The following SLC36A1 variants were observed in gnomAD, a reference collection of about 807,000 sequenced individuals.
The protein encoded by SLC36A1 is solute carrier family 36 member 1.
SLC36A1 carries 30 observed loss-of-function variants against 47.5 expected under a neutral mutation model. The observed-to-expected ratio is 0.63, with a 90% CI of 0.47 to 0.86. The LOEUF (loss-of-function observed/expected upper bound fraction) is 0.86. Among genes scored for constraint, SLC36A1 ranks in the 40% least tolerant of loss-of-function variants. The pLI, the probability that SLC36A1 is intolerant of heterozygous loss-of-function variation, is 0.00. For missense variants in SLC36A1, 517 were observed against 606.0 expected, an observed-to-expected ratio of 0.85 and a Z score of 1.54; for synonymous variants, 255 against 249.7, an observed-to-expected ratio of 1.02 and a Z score of -0.20.
the SLC36A1 span, among the ~76,000 whole-genome samples, chr5:151,375,203 A>T: frequency 6.6e-6 from 1 of 152,178 alleles, no homozygotes; most frequent in Non-Finnish European, 1.5e-5. Flanking sequence ...TCTTATGTTT[A>T]AGTCTCTAAT....
chr5:151,512,370 A>AGG, the SLC36A1 span: 1 of 1,614,236 alleles, frequency 6.2e-7, no homozygotes, highest in Non-Finnish European at 8.5e-7. The surrounding 1 kb of genome is among the most constrained non-coding windows in gnomAD (Gnocchi z 4.1). Context: ...TCGAGGAAGA[A>AGG]TGCAACAGAA....
the SLC36A1 span, among the ~76,000 whole-genome samples, chr5:151,404,999 A>T: frequency 6.6e-6 from 1 of 152,002 alleles, no homozygotes; most frequent in Non-Finnish European, 1.5e-5. Context: ...CAAGTTGCAT[A>T]CTCTCTCTAC....
At chr5:151,461,647 G>T (rs762458153) in intron 2 of SLC36A1, among the ~76,000 whole-genome samples, 2 of 152,182 alleles carry the variant, frequency 1.3e-5, no homozygotes, top group Admixed American at 6.5e-5. Context: ...CACTTATAAT[G>T]TAGAAGCAAT....
At chr5:151,438,896 C>T (rs1016810385) in intron 1 of SLC36A1, among the ~76,000 whole-genome samples, 1 of 152,128 alleles carries the variant, frequency 6.6e-6, no homozygotes. Flanking sequence ...AAACATATTT[C>T]ATTTACCACA....
chr5:151,514,150 C>T, the SLC36A1 span, among the ~76,000 whole-genome samples: 7 of 152,124 alleles, frequency 4.6e-5, no homozygotes, highest in Admixed American at 2.0e-4. Context: ...TTGAATACTA[C>T]CTATACCTTT....
rs1756559773 is a variant in SLC36A1 at position 151,467,303 on chromosome 5, A to AC, written c.504+20_504+21insC. 1.6e-4 allele frequency: 213 copies of AC among 1,348,622 alleles called. No homozygotes were observed. The highest frequency in any genetic ancestry group is 3.8e-4 in the Middle Eastern group (2 of 5,214). The allele number at this position is 1,348,622 out of a possible 1,614,324, so 83.5% of individuals were successfully genotyped here. ...AAACAGGTAGGCACCTGGTTAAAAA[A>AC]GAAAAAAAAAAAAAAAACCAGAGCG... On this transcript the variant is annotated intron_variant, in intron 6 of 10. Transcript: ENST00000243389.
At chr5:151,545,304 G>A in the SLC36A1 span, 8 of 1,614,158 alleles carry the variant, frequency 5.0e-6, no homozygotes, top group Middle Eastern at 1.6e-4. Flanking sequence ...CAGAAGCCCT[G>A]ATGGTGAGCT....
At chr5:151,475,657 G>C (rs1174352552) in intron 8 of SLC36A1, among the ~76,000 whole-genome samples, 1 of 152,198 alleles carries the variant, frequency 6.6e-6, no homozygotes, top group African/African-American at 2.4e-5. Context: ...ACTGAAGCTG[G>C]AGCAGGTGGT....
At chr5:151,487,179 G>A (rs1023570523) in intron 10 of SLC36A1, among the ~76,000 whole-genome samples, 2 of 152,236 alleles carry the variant, frequency 1.3e-5, no homozygotes, top group African/African-American at 4.8e-5. Context: ...GGAAAGATCG[G>A]TGAGATGGGA....
the SLC36A1 span, among the ~76,000 whole-genome samples, chr5:151,432,008 T>C: frequency 6.6e-6 from 1 of 152,164 alleles, no homozygotes; most frequent in South Asian, 2.1e-4. Flanking sequence ...GCCAAAAGCA[T>C]GAATGGATGG....
chr5:151,547,827 G>A, the SLC36A1 span, among the ~76,000 whole-genome samples: 1 of 152,128 alleles, frequency 6.6e-6, no homozygotes, highest in African/African-American at 2.4e-5. Context: ...ATATGCATAG[G>A]GGAAGATAAG....
the SLC36A1 span, among the ~76,000 whole-genome samples, chr5:151,396,301 C>T: frequency 6.6e-6 from 1 of 151,452 alleles, no homozygotes; most frequent in African/African-American, 2.4e-5. Context: ...TGGGGTTTCA[C>T]CATATTGGCC....
chr5:151,399,082 ATATTTTT>A, the SLC36A1 span, among the ~76,000 whole-genome samples: 17 of 89,090 alleles, frequency 1.9e-4, no homozygotes, highest in African/African-American at 9.1e-4. Context: ...ATATATATAT[ATATTTTT>A]TTTTTTTTTT....
At chr5:151,462,779 GTTA>G (rs59698783) in intron 2 of SLC36A1, among the ~76,000 whole-genome samples, 2 of 151,166 alleles carry the variant, frequency 1.3e-5, no homozygotes, top group African/African-American at 2.4e-5. Context: ...TGGGGCTTCT[GTTA>G]TTATTATTAT....
At chr5:151,422,492 C>T in the SLC36A1 span, among the ~76,000 whole-genome samples, 5 of 152,256 alleles carry the variant, frequency 3.3e-5, no homozygotes, top group African/African-American at 1.2e-4. Context: ...GAGGCAGGAA[C>T]CTCTGAAACG....
At position 151,467,243 on chromosome 5, in the gene SLC36A1, G is replaced by T; in HGVS notation, c.464G>T (p.Cys155Phe). Reference sequence around the variant, plus strand: ...CTGATTGTCACCCAGCTGGGATTCTGCTGTGTCTATTTTGTGTTTCTGGCT... The same window carrying T: ...CTGATTGTCACCCAGCTGGGATTCTTCTGTGTCTATTTTGTGTTTCTGGCT... ...FFLIVTQLGF[C>F]CVYFVFLADN... The change falls in exon 6 of 11, where the codon TGC (cysteine) becomes TTC (phenylalanine). Residue 155 changes from cysteine to phenylalanine, a missense_variant. Transcript: ENST00000243389. The T allele has an allele frequency of 6.2e-7, 1 of 1,611,948 alleles. No homozygotes were observed. Among genetic ancestry groups the T allele is most frequent in the Non-Finnish European group, 8.5e-7 (1 of 1,179,562 alleles).
At chr5:151,543,591 G>C in the SLC36A1 span, 1 of 1,614,148 alleles carries the variant, frequency 6.2e-7, no homozygotes, top group Non-Finnish European at 8.5e-7. Flanking sequence ...TAGTGCCATA[G>C]GGACCACTAT....
chr5:151,542,152 A>T, the SLC36A1 span: 1 of 755,310 alleles, frequency 1.3e-6, no homozygotes, highest in Non-Finnish European at 2.1e-6. Flanking sequence ...CTGAGGTCCT[A>T]GGGGGTTAAG....
chr5:151,504,816 C>T, the SLC36A1 span: 135 of 152,730 alleles, frequency 8.8e-4, no homozygotes, highest in Non-Finnish European at 1.7e-3. Flanking sequence ...GTGTAGACTC[C>T]TGGCAGGCCC....
Sources: allele counts gnomAD v4.1 joint callset (sites outside exome capture counted in the v4.1 genomes callset), GRCh38; gene constraint gnomAD v4.1.1; non-coding constraint Gnocchi (gnomAD v3.1); transcripts MANE v1.5; gene names NCBI Gene and HGNC (gene_info 2026-07-23, HGNC 2026-07-21).